Variants in SOX9 observed in about 807,000 individuals in gnomAD.
SOX9 encodes SRY-box transcription factor 9, also known as transcription factor SOX-9.
In SOX9, 2 loss-of-function variants were observed where a neutral mutation model predicts 44.8. The observed-to-expected ratio is 0.04, with a 90% CI of 0.02 to 0.14. The LOEUF (loss-of-function observed/expected upper bound fraction) is 0.14. SOX9 is among the 10% of genes least tolerant of loss of function. The pLI is 1.00. For synonymous variants in SOX9, 381 were observed against 331.8 expected, an observed-to-expected ratio of 1.15 and a Z score of -1.61; for missense variants, 583 against 728.6, an observed-to-expected ratio of 0.80 and a Z score of 2.30.
rs368623884 is a variant in SOX9, at chr17:72,121,644, G to A, written c.253G>A (p.Asp85Asn). The A allele has an allele frequency of 1.9e-6, 3 of 1,600,358 alleles. No individual in the cohort carries two copies. The highest frequency in any genetic ancestry group is 2.6e-6 in the Non-Finnish European group (3 of 1,173,920). The change falls in exon 1 of 3, where the codon GAC (aspartate) becomes AAC (asparagine). Residue 85 changes from aspartate (D) to asparagine (N), a missense_variant. Asp to Asn is a conservative substitution (Grantham distance 23). Around this residue, in one of 7 missense-constraint regions of SOX9, gnomAD observed 19 missense variants for 46.8 expected, o/e 0.41. Transcript: ENST00000245479. This position sits in a 1 kb window ranked among gnomAD's most constrained non-coding sequence, Gnocchi z 8.3. Reference sequence around the variant, plus strand: ...GGTCAGCCAGGTGCTCAAAGGCTACGACTGGACGCTGGTGCCCATGCCGGT... The same window carrying A: ...GGTCAGCCAGGTGCTCAAAGGCTACAACTGGACGCTGGTGCCCATGCCGGT... ...EAVSQVLKGY[D>N]WTLVPMPVRV...
Position 72,121,448 on chromosome 17 carries a change from C to A in SOX9, c.57C>A (p.Ser19=). ...CCGACGAGCAGGAGAAGGGCCTGTC[C>A]GGCGCCCCCAGCCCCACCATGTCCG... is the stretch of plus-strand genomic sequence containing the variant. ...KMTDEQEKGL[S]GAPSPTMSED... is the part of the protein sequence containing the mutation. Residue 19 remains serine, a synonymous_variant, in exon 1 of 3, where the codon TCC becomes TCA. Coordinates refer to ENST00000245479, the MANE Select transcript of SOX9 (RefSeq NM_000346.4). This position sits in a 1 kb window ranked among gnomAD's most constrained non-coding sequence, Gnocchi z 8.3. 5.6e-6 allele frequency: 9 copies of A among 1,612,884 alleles called. No individual in the cohort carries two copies. The highest frequency in any genetic ancestry group is 7.6e-6 in the Non-Finnish European group (9 of 1,179,850).
chr17:72,123,910 G>A lies in SOX9; in HGVS notation c.1053G>A (p.Gln351=), dbSNP rs1311398689. The change falls in exon 3 of 3, where the codon CAG becomes CAA. Residue 351 remains glutamine (Q), a synonymous_variant. Coordinates refer to ENST00000245479, the MANE Select transcript of SOX9 (RefSeq NM_000346.4). This position sits in a 1 kb window ranked among gnomAD's most constrained non-coding sequence, Gnocchi z 6.5. ...APPPPPQQPP[Q]APPAPQAPPQ... is the part of the protein sequence containing the mutation. ...CGCCACCCCCGCAGCAGCCCCCACA[G>A]GCCCCGCCGGCCCCGCAGGCGCCCC... 3 of 1,292,634 alleles carry A rather than the reference G, an allele frequency of 2.3e-6. No homozygotes were observed. The highest frequency in any genetic ancestry group is 8.4e-5 in the Admixed American group (2 of 23,804). 80.1% of individuals were successfully genotyped at this position (1,292,634 alleles called of 1,614,324 possible). A position where few individuals can be genotyped will look rare whatever the true frequency, so the allele number is the denominator to read the frequency against.
Position 72,126,049 on chromosome 17 carries a change from G to C in SOX9, c.*1662G>C, listed in dbSNP as rs956088979. ...TTAATCTTAATTACTGCTGTGGCTA[G>C]AGAGTTTGAGGATTGCTTTTTAAAA... is the stretch of plus-strand genomic sequence containing the variant. On this transcript the variant is annotated 3_prime_UTR_variant, in exon 3 of 3. Coordinates refer to ENST00000245479, the MANE Select transcript of SOX9 (RefSeq NM_000346.4). The C allele has an allele frequency of 6.5e-5, 15 of 232,114 alleles. No individual in the cohort carries two copies. Among genetic ancestry groups the C allele is most frequent in the Admixed American group, 6.2e-4 (11 of 17,726 alleles). 14.4% of individuals were successfully genotyped at this position (232,114 alleles called of 1,614,324 possible). A position where few individuals can be genotyped will look rare whatever the true frequency, so the allele number is the denominator to read the frequency against.
At position 72,125,647 on chromosome 17, in the gene SOX9, T is replaced by TTAAC. The variant is rs759906398; in HGVS notation, c.*1262_*1265dup. On this transcript the variant is annotated 3_prime_UTR_variant, in exon 3 of 3. Transcript: ENST00000245479. Reference sequence around the variant, plus strand: ...GGTCATCTGTTGTTAAATTATGTTCTTAACTGTAACCAGTTTTTTTTTATT... The same window carrying TTAAC: ...GGTCATCTGTTGTTAAATTATGTTCTTAACTAACTGTAACCAGTTTTTTTTTATT... 4.4e-6 allele frequency: 1 copy of TTAAC among 228,326 alleles called. No homozygotes were observed. Among genetic ancestry groups the TTAAC allele is most frequent in the Non-Finnish European group, 8.7e-6 (1 of 114,934 alleles). 14.1% of individuals were successfully genotyped at this position (228,326 alleles called of 1,614,324 possible).
Position 72,121,334 on chromosome 17 carries a change from C to G in SOX9, c.-58C>G. The G allele has an allele frequency of 6.5e-7, 1 of 1,537,096 alleles. No individual in the cohort carries two copies. ...GAGAGGAGCCCGCGCCTCGAGTCCC[C>G]GAGCCGCCGCGGCTTCTCGCCTTTC... On this transcript the variant is annotated 5_prime_UTR_variant, in exon 1 of 3. Transcript: ENST00000245479. This position sits in a 1 kb window ranked among gnomAD's most constrained non-coding sequence, Gnocchi z 8.3.
chr17:72,123,729 T>C lies in SOX9; in HGVS notation c.872T>C (p.Val291Ala), dbSNP rs2143251840. The C allele has an allele frequency of 6.2e-7, 1 of 1,613,802 alleles. No individual in the cohort carries two copies. The highest frequency in any genetic ancestry group is 8.5e-7 in the Non-Finnish European group (1 of 1,179,948). ...DVISNIETFDVNEFDQYLPPN... is the reference protein window; with the variant it reads ...DVISNIETFDANEFDQYLPPN... ...ATCTCCAACATCGAGACCTTCGATG[T>C]CAACGAGTTTGACCAGTACCTGCCG... The change falls in exon 3 of 3, where the codon GTC becomes GCC. Residue 291 changes from valine (V) to alanine (A), a missense_variant. Transcript: ENST00000245479. The surrounding 1 kb of genome is among the most constrained non-coding windows in gnomAD (Gnocchi z 6.5).
In SOX9 at chr17:72,121,214, G is replaced by A. The variant is rs1031070657; in HGVS notation, c.-178G>A. 4 of 623,114 alleles carry A rather than the reference G, an allele frequency of 6.4e-6. No individual in the cohort carries two copies. The highest frequency in any genetic ancestry group is 1.1e-5 in the Non-Finnish European group (4 of 354,436). The allele number at this position is 623,114 out of a possible 1,614,324, so 38.6% of individuals were successfully genotyped here. On this transcript the variant is annotated 5_prime_UTR_variant, in exon 1 of 3. Transcript: ENST00000245479. The surrounding 1 kb of genome is among the most constrained non-coding windows in gnomAD (Gnocchi z 8.3). ...CACTTGGAGCGGGCAGCTGTGAACT[G>A]GCCACCCCGCGCCTTCCTAAGTGCT...
chr17:72,123,424 C>T lies in SOX9; in HGVS notation c.686-119C>T. 7.2e-7 allele frequency: 1 copy of T among 1,394,250 alleles called. No homozygotes were observed. Among genetic ancestry groups the T allele is most frequent in the Non-Finnish European group, 1.0e-6 (1 of 991,094 alleles). The allele number at this position is 1,394,250 out of a possible 1,614,324, so 86.4% of individuals were successfully genotyped here. On this transcript the variant is annotated intron_variant, in intron 2 of 2. Transcript: ENST00000245479. The surrounding 1 kb of genome is among the most constrained non-coding windows in gnomAD (Gnocchi z 6.5). ...TCTCCGGTGCAGCGCGCCTCTTGCG[C>T]GGGTGCGGGCCCTTATTACACTTTA...
rs1348433812 is a variant in SOX9, at chr17:72,123,831, C to T, written c.974C>T (p.Ala325Val). Residue 325 changes from alanine to valine, a missense_variant, in exon 3 of 3, where the codon GCG (alanine) becomes GTG (valine). Coordinates refer to ENST00000245479, the MANE Select transcript of SOX9 (RefSeq NM_000346.4). The surrounding 1 kb of genome is among the most constrained non-coding windows in gnomAD (Gnocchi z 6.5). ...GGCAGCTACGGCATCAGCAGCACCGCGGCCACCCCGGCGAGCGCGGGCCAC... is the reference window on the plus strand; with the variant it reads ...GGCAGCTACGGCATCAGCAGCACCGTGGCCACCCCGGCGAGCGCGGGCCAC... The part of the protein sequence containing the change: ...YTGSYGISST[A>V]ATPASAGHVW... 8 of 1,605,646 alleles carry T rather than the reference C, an allele frequency of 5.0e-6. No individual in the cohort carries two copies. Among genetic ancestry groups the T allele is most frequent in the South Asian group, 2.2e-5 (2 of 90,734 alleles).
chr17:72,121,259 C>A lies in SOX9; in HGVS notation c.-133C>A, dbSNP rs762915468. On this transcript the variant is annotated 5_prime_UTR_variant, in exon 1 of 3. Transcript: ENST00000245479. This position sits in a 1 kb window ranked among gnomAD's most constrained non-coding sequence, Gnocchi z 8.3. Reference sequence around the variant, plus strand: ...AGTGCTCGCCGCGGTAGCCGGCCGACGCGCCAGCTTCCCCGGGAGCCGCTT... The same window carrying A: ...AGTGCTCGCCGCGGTAGCCGGCCGAAGCGCCAGCTTCCCCGGGAGCCGCTT... 1.3e-4 allele frequency: 103 copies of A among 801,900 alleles called. No individual in the cohort carries two copies. Among genetic ancestry groups the A allele is most frequent in the Non-Finnish European group, 1.9e-4 (96 of 501,242 alleles). The allele number at this position is 801,900 out of a possible 1,614,324, so 49.7% of individuals were successfully genotyped here.
At position 72,123,087 on chromosome 17, in the gene SOX9, C is replaced by T; in HGVS notation, c.685+115C>T. ...CTTTATGCTTCCCGGGAGGGACACA[C>T]TGCCCTTTGCGCCCGTCCCGCTCCC... On this transcript the variant is annotated intron_variant, in intron 2 of 2. Transcript: ENST00000245479. The surrounding 1 kb of genome is among the most constrained non-coding windows in gnomAD (Gnocchi z 6.5). The T allele has an allele frequency of 7.5e-7, 1 of 1,331,520 alleles. No individual in the cohort carries two copies. Among genetic ancestry groups the T allele is most frequent in the Non-Finnish European group, 1.0e-6 (1 of 957,500 alleles). The allele number at this position is 1,331,520 out of a possible 1,614,324, so 82.5% of individuals were successfully genotyped here.
At position 72,121,925 on chromosome 17, in the gene SOX9, G is replaced by A; in HGVS notation, c.431+103G>A. On this transcript the variant is annotated intron_variant, in intron 1 of 2. Transcript: ENST00000245479. The surrounding 1 kb of genome is among the most constrained non-coding windows in gnomAD (Gnocchi z 8.3). ...CCCCGCCTCCCATCGCCCGGGAGTTGCCGTTCCGGGAGCCGGCGGGATGGG... is the reference window on the plus strand; with the variant it reads ...CCCCGCCTCCCATCGCCCGGGAGTTACCGTTCCGGGAGCCGGCGGGATGGG... The A allele has an allele frequency of 7.3e-7, 1 of 1,373,404 alleles. No individual in the cohort carries two copies. The highest frequency in any genetic ancestry group is 9.6e-7 in the Non-Finnish European group (1 of 1,037,542). 85.1% of individuals were successfully genotyped at this position (1,373,404 alleles called of 1,614,324 possible). A position where few individuals can be genotyped will look rare whatever the true frequency, so the allele number is the denominator to read the frequency against.
Position 72,125,613 on chromosome 17 carries a change from A to AAAGGGTATGGTCATCTGTTGTT in SOX9, c.*1229_*1250dup, listed in dbSNP as rs1908261797. 1 of 227,190 alleles carries AAAGGGTATGGTCATCTGTTGTT rather than the reference A, an allele frequency of 4.4e-6. No homozygotes were observed. The highest frequency in any genetic ancestry group is 6.3e-5 in the East Asian group (1 of 15,812). 14.1% of individuals were successfully genotyped at this position (227,190 alleles called of 1,614,324 possible). A position where few individuals can be genotyped will look rare whatever the true frequency, so the allele number is the denominator to read the frequency against. On this transcript the variant is annotated 3_prime_UTR_variant, in exon 3 of 3. Coordinates refer to ENST00000245479, the MANE Select transcript of SOX9 (RefSeq NM_000346.4). ...AAAATAGGTTGTTGGAGCTTTCCTCAAAGGGTATGGTCATCTGTTGTTAAA... is the reference window on the plus strand; with the variant it reads ...AAAATAGGTTGTTGGAGCTTTCCTCAAAGGGTATGGTCATCTGTTGTTAAGGGTATGGTCATCTGTTGTTAAA...
At position 72,121,853 on chromosome 17, in the gene SOX9, T is replaced by G. The variant is rs766678901; in HGVS notation, c.431+31T>G. 3 of 1,519,068 alleles carry G rather than the reference T, an allele frequency of 2.0e-6. No homozygotes were observed. In the Admixed American group the frequency reaches 6.4e-5, roughly 32 times the overall value. 94.1% of individuals were successfully genotyped at this position (1,519,068 alleles called of 1,614,324 possible). A position where few individuals can be genotyped will look rare whatever the true frequency, so the allele number is the denominator to read the frequency against. On this transcript the variant is annotated intron_variant, in intron 1 of 2. Transcript: ENST00000245479. The surrounding 1 kb of genome is among the most constrained non-coding windows in gnomAD (Gnocchi z 8.3). Reference sequence around the variant, plus strand: ...ACCCGGCGGGGGCGGCGCGGCAGGGTGGGCATCGCGGCGGCTGGGGGCGCT... The same window carrying G: ...ACCCGGCGGGGGCGGCGCGGCAGGGGGGGCATCGCGGCGGCTGGGGGCGCT...
rs2143251450 is a variant in SOX9 at position 72,123,694 on chromosome 17, C to T, written c.837C>T (p.Ser279=). The T allele has an allele frequency of 6.2e-7, 1 of 1,614,080 alleles. No individual in the cohort carries two copies. ...GCGACGTGGACATCGGCGAGCTGAGCAGCGACGTCATCTCCAACATCGAGA... is the reference window on the plus strand; with the variant it reads ...GCGACGTGGACATCGGCGAGCTGAGTAGCGACGTCATCTCCAACATCGAGA... The part of the protein sequence containing the change: ...DFRDVDIGEL[S]SDVISNIETF... Residue 279 remains serine (S), a synonymous_variant, in exon 3 of 3, where the codon AGC becomes AGT. Coordinates refer to ENST00000245479, the MANE Select transcript of SOX9 (RefSeq NM_000346.4). The surrounding 1 kb of genome is among the most constrained non-coding windows in gnomAD (Gnocchi z 6.5).
In SOX9 at chr17:72,123,016, G is replaced by A. The variant is rs376987118; in HGVS notation, c.685+44G>A. The stretch of plus-strand genomic sequence containing the variant: ...CCACCGGACAAGCTATCTCCGTCCC[G>A]CCTGGCACACCCCCTGCCCTCCGCC... On this transcript the variant is annotated intron_variant, in intron 2 of 2. Transcript: ENST00000245479. This position sits in a 1 kb window ranked among gnomAD's most constrained non-coding sequence, Gnocchi z 6.5. The A allele has an allele frequency of 1.7e-5, 27 of 1,604,120 alleles. No homozygotes were observed. The highest frequency in any genetic ancestry group is 2.7e-5 in the African/African-American group (2 of 74,970).
rs1418861035 is a variant in SOX9 at position 72,124,629 on chromosome 17, A to C, written c.*242A>C. On this transcript the variant is annotated 3_prime_UTR_variant, in exon 3 of 3. Transcript: ENST00000245479. The surrounding 1 kb of genome is among the most constrained non-coding windows in gnomAD (Gnocchi z 4.6). ...ACCCACTTGTGGCCAATCAGTGGCC[A>C]GGCCAACCTTGGCTAAATGGAGCAG... 2 of 596,322 alleles carry C rather than the reference A, an allele frequency of 3.4e-6. No homozygotes were observed. The highest frequency in any genetic ancestry group is 6.0e-6 in the Non-Finnish European group (2 of 335,294). 36.9% of individuals were successfully genotyped at this position (596,322 alleles called of 1,614,324 possible). A position where few individuals can be genotyped will look rare whatever the true frequency, so the allele number is the denominator to read the frequency against.
At position 72,124,234 on chromosome 17, in the gene SOX9, C is replaced by T. The variant is rs566738702; in HGVS notation, c.1377C>T (p.Gly459=). 7 of 1,613,776 alleles carry T rather than the reference C, an allele frequency of 4.3e-6. No homozygotes were observed. In the African/African-American group the frequency reaches 8.0e-5, roughly 18 times the overall value. The stretch of plus-strand genomic sequence containing the variant: ...ACTACAGCCACGCGGCAGGCCAGGG[C>T]ACCGGCCTCTACTCCACCTTCACCT... ...SSYYSHAAGQ[G]TGLYSTFTYM... The change falls in exon 3 of 3, where the codon GGC becomes GGT. Residue 459 remains glycine, a synonymous_variant. Coordinates refer to ENST00000245479, the MANE Select transcript of SOX9 (RefSeq NM_000346.4). The surrounding 1 kb of genome is among the most constrained non-coding windows in gnomAD (Gnocchi z 4.6).
Position 72,124,224 on chromosome 17 carries a change from C to T in SOX9, c.1367C>T (p.Ala456Val), listed in dbSNP as rs764925787. ...QNSSSYYSHA[A>V]GQGTGLYSTF... Reference sequence around the variant, plus strand: ...TCCAGCTCCTACTACAGCCACGCGGCAGGCCAGGGCACCGGCCTCTACTCC... The same window carrying T: ...TCCAGCTCCTACTACAGCCACGCGGTAGGCCAGGGCACCGGCCTCTACTCC... Residue 456 changes from alanine to valine, a missense_variant, in exon 3 of 3, where the codon GCA becomes GTA. Transcript: ENST00000245479. The surrounding 1 kb of genome is among the most constrained non-coding windows in gnomAD (Gnocchi z 4.6). 7 of 1,613,804 alleles carry T rather than the reference C, an allele frequency of 4.3e-6. No homozygotes were observed. The highest frequency in any genetic ancestry group is 1.6e-4 in the Middle Eastern group (1 of 6,062).
Sources: allele counts gnomAD v4.1 joint callset, GRCh38; gene constraint gnomAD v4.1.1; regional missense constraint gnomAD v4.1.1; non-coding constraint Gnocchi (gnomAD v3.1); transcripts MANE v1.5; gene names NCBI Gene and HGNC (gene_info 2026-07-23, HGNC 2026-07-21).